The following KCNK2 variants were observed in gnomAD, a reference collection of about 807,000 sequenced individuals.
KCNK2 encodes potassium two pore domain channel subfamily K member 2.
A neutral mutation model predicts 40.5 loss-of-function variants in KCNK2; 21 were observed. The observed-to-expected ratio is 0.52, with a 90% CI of 0.37 to 0.75. The LOEUF is 0.75. Among genes scored for constraint, KCNK2 ranks in the 30% least tolerant of loss-of-function variants. The probability of loss-of-function intolerance (pLI) is 0.00; values close to 1 mark genes in which losing one functional copy is unlikely to be tolerated. For synonymous variants in KCNK2, 191 were observed against 202.2 expected, an observed-to-expected ratio of 0.94 and a Z score of 0.47; for missense variants, 399 against 531.6, an observed-to-expected ratio of 0.75 and a Z score of 2.45.
chr1:215,232,344 T>C (rs1000335937), intron 6 of KCNK2, among the ~76,000 whole-genome samples: 4 of 152,118 alleles, frequency 2.6e-5, no homozygotes, highest in African/African-American at 9.7e-5. Context: ...TACAAAACAA[T>C]GTGTGTACTA....
chr1:215,086,223 G>A (rs1220626851), intron 1 of KCNK2, 145 bp from the exon 2 acceptor site: 9 of 641,402 alleles, frequency 1.4e-5, no homozygotes, highest in Non-Finnish European at 2.2e-5. Flanking sequence ...GAGATCTAGT[G>A]ACAGCACTCC....
intron 1 of KCNK2, among the ~76,000 whole-genome samples, chr1:215,025,785 T>G (rs1656980486): frequency 6.6e-6 from 1 of 152,082 alleles, no homozygotes; most frequent in Non-Finnish European, 1.5e-5. Flanking sequence ...TACATATTTT[T>G]GCCACTACAA....
intron 6 of KCNK2, among the ~76,000 whole-genome samples, chr1:215,211,874 A>G (rs1394028637): frequency 6.6e-6 from 1 of 152,112 alleles, no homozygotes; most frequent in Non-Finnish European, 1.5e-5. Flanking sequence ...AATTTTGTTC[A>G]TTTTTAAAAA....
chr1:215,107,252 A>G (rs750856733), intron 2 of KCNK2, among the ~76,000 whole-genome samples: 2 of 152,016 alleles, frequency 1.3e-5, no homozygotes, highest in Non-Finnish European at 2.9e-5. Context: ...TGTGTCATCT[A>G]TGATATTTTT....
intron 2 of KCNK2, among the ~76,000 whole-genome samples, chr1:215,116,697 G>A (rs1017956013): frequency 1.3e-5 from 2 of 152,034 alleles, no homozygotes; most frequent in African/African-American, 2.4e-5. Flanking sequence ...AAAGTCTGGT[G>A]TGCAGAAACT....
intron 1 of KCNK2, among the ~76,000 whole-genome samples, chr1:215,043,781 T>C (rs921694633): frequency 2.0e-5 from 3 of 152,146 alleles, no homozygotes; most frequent in Non-Finnish European, 4.4e-5. Context: ...TATAATTGGA[T>C]GAAATGCTAA....
At chr1:215,086,978 C>T (rs1253123114) in intron 2 of KCNK2, among the ~76,000 whole-genome samples, 1 of 152,206 alleles carries the variant, frequency 6.6e-6, no homozygotes, top group Non-Finnish European at 1.5e-5. Flanking sequence ...TTCCTGCTTT[C>T]TTTCCCTTTG....
chr1:215,196,039 T>G (rs913771162), intron 6 of KCNK2, among the ~76,000 whole-genome samples: 2 of 152,046 alleles, frequency 1.3e-5, no homozygotes, highest in African/African-American at 4.8e-5. Flanking sequence ...AATGATGAAA[T>G]TAACTTCCCT....
intron 1 of KCNK2, among the ~76,000 whole-genome samples, chr1:215,076,153 A>G (rs748555908): frequency 3.9e-5 from 6 of 152,212 alleles, no homozygotes; most frequent in African/African-American, 9.6e-5. Flanking sequence ...AGGAATATGA[A>G]TTCTTCAAAA....
intron 2 of KCNK2, among the ~76,000 whole-genome samples, chr1:215,100,224 T>TTG (rs1175054171): frequency 1.3e-5 from 2 of 151,960 alleles, no homozygotes; most frequent in African/African-American, 4.8e-5. Flanking sequence ...GTCTATGGTG[T>TTG]TGTGTGTGTT....
intron 6 of KCNK2, among the ~76,000 whole-genome samples, chr1:215,206,257 A>C (rs1665311073): frequency 1.3e-5 from 2 of 152,306 alleles, no homozygotes; most frequent in South Asian, 4.1e-4. Context: ...GTTTTCAAAA[A>C]ATCAATGCAT....
chr1:215,183,480 A>T (rs1664308753), intron 5 of KCNK2, among the ~76,000 whole-genome samples: 1 of 152,062 alleles, frequency 6.6e-6, no homozygotes, highest in Admixed American at 6.6e-5. Flanking sequence ...TCTATGATAT[A>T]TGTGTTATTT....
intron 5 of KCNK2, among the ~76,000 whole-genome samples, chr1:215,184,085 A>T (rs1290817696): frequency 6.6e-6 from 1 of 152,138 alleles, no homozygotes; most frequent in African/African-American, 2.4e-5. Flanking sequence ...TCCTCTCTGG[A>T]TGAGGACCCT....
At chr1:215,054,148 CT>C (rs1275684082) in intron 1 of KCNK2, among the ~76,000 whole-genome samples, 2 of 152,196 alleles carry the variant, frequency 1.3e-5, no homozygotes, top group African/African-American at 2.4e-5. Flanking sequence ...TGCTATTTCT[CT>C]AGGTATTAAT....
At chr1:215,197,961 T>A (rs1664933743) in intron 6 of KCNK2, among the ~76,000 whole-genome samples, 1 of 152,054 alleles carries the variant, frequency 6.6e-6, no homozygotes, top group African/African-American at 2.4e-5. Flanking sequence ...ATGGCGCTAC[T>A]GTACTCCAGC....
chr1:215,169,122 G>T, intron 3 of KCNK2, 77 bp from the exon 4 acceptor site: 2 of 1,169,184 alleles, frequency 1.7e-6, no homozygotes, highest in Non-Finnish European at 2.4e-6. Context: ...CAATTTTTTG[G>T]AGTTTCTGAA....
At chr1:215,136,317 G>A (rs570777342) in intron 3 of KCNK2, among the ~76,000 whole-genome samples, 7 of 150,746 alleles carry the variant, frequency 4.6e-5, no homozygotes, top group Admixed American at 1.3e-4. Context: ...GGCTTGTCTC[G>A]AACTCCTGAG....
At chr1:215,187,394 ATAAGT>A (rs1396981510) in intron 5 of KCNK2, among the ~76,000 whole-genome samples, 16 of 152,154 alleles carry the variant, frequency 1.1e-4, no homozygotes, top group Non-Finnish European at 1.3e-4. Flanking sequence ...GTCTCAGGTG[ATAAGT>A]TAAGTCATGC....
chr1:215,031,779 A>G (rs747912408), intron 1 of KCNK2, among the ~76,000 whole-genome samples: 1 of 152,178 alleles, frequency 6.6e-6, no homozygotes, highest in Non-Finnish European at 1.5e-5. Flanking sequence ...ATTCTTACTC[A>G]GATTGTTCAG....
Sources: gnomAD v4.1 joint callset for allele counts (sites outside exome capture counted in the v4.1 genomes callset) on GRCh38, gnomAD v4.1.1 for gene constraint, MANE v1.5 for transcripts, NCBI Gene and HGNC (gene_info 2026-07-23, HGNC 2026-07-21) for gene names.